FAM222B: variants seen among roughly 807,000 people sequenced by gnomAD.
FAM222B encodes protein FAM222B.
Under a neutral mutation model 38.0 loss-of-function variants are expected in FAM222B, and 12 were observed. The ratio of observed to expected loss-of-function variants is 0.32; its 90% CI spans 0.20 to 0.51. The LOEUF (loss-of-function observed/expected upper bound fraction) is 0.51, where lower values mean the gene tolerates loss of function less well. FAM222B is among the 20% of genes least tolerant of loss of function. The pLI, the probability that FAM222B is intolerant of heterozygous loss-of-function variation, is 0.97. For missense variants in FAM222B, 716 were observed against 754.2 expected, an observed-to-expected ratio of 0.95 and a Z score of 0.59; for synonymous variants, 329 against 317.2, an observed-to-expected ratio of 1.04 and a Z score of -0.40.
chr17:28,791,339 G>T (rs905434055), intron 1 of FAM222B, among the ~76,000 whole-genome samples: 1 of 152,074 alleles, frequency 6.6e-6, no homozygotes, highest in African/African-American at 2.4e-5. Context: ...CTCTAAATTG[G>T]TGAGTGTGCC....
chr17:28,780,224 C>T (rs2036107790), intron 1 of FAM222B, among the ~76,000 whole-genome samples: 1 of 151,904 alleles, frequency 6.6e-6, no homozygotes, highest in Non-Finnish European at 1.5e-5. Context: ...TCCGCCTCAG[C>T]CCACTCCAGC....
intron 1 of FAM222B, among the ~76,000 whole-genome samples, chr17:28,803,306 G>T (rs552009419): frequency 6.6e-6 from 1 of 151,856 alleles, no homozygotes; most frequent in South Asian, 2.1e-4. Context: ...CCGTACCCAG[G>T]TTCTTCTTTT....
At chr17:28,773,545 T>C (rs976988601) in intron 1 of FAM222B, among the ~76,000 whole-genome samples, 21 of 135,306 alleles carry the variant, frequency 1.6e-4, no homozygotes, top group Non-Finnish European at 3.0e-4. Context: ...ACGCCTGTAA[T>C]CCAAGCACTT....
intron 1 of FAM222B, among the ~76,000 whole-genome samples, chr17:28,842,361 C>T (rs2039072228): frequency 6.6e-6 from 1 of 152,100 alleles, no homozygotes; most frequent in Non-Finnish European, 1.5e-5. Flanking sequence ...GAGCTTTCAT[C>T]CTCCACCACC....
intron 2 of FAM222B, among the ~76,000 whole-genome samples, chr17:28,766,333 A>C (rs886632644): frequency 2.0e-5 from 3 of 152,162 alleles, no homozygotes; most frequent in African/African-American, 7.2e-5. Flanking sequence ...GGGCACCTGT[A>C]ATCCCAGCTA....
intron 1 of FAM222B, among the ~76,000 whole-genome samples, chr17:28,795,384 A>C (rs894032421): frequency 6.6e-6 from 1 of 152,116 alleles, no homozygotes; most frequent in Non-Finnish European, 1.5e-5. Flanking sequence ...ACCTCAAGTG[A>C]TCCTCCTGCT....
chr17:28,757,524 G>C lies in FAM222B; in HGVS notation c.*746C>G, dbSNP rs1229139331. 2 of 152,128 alleles carry C rather than the reference G, an allele frequency of 1.3e-5. No homozygotes were observed. Among genetic ancestry groups the C allele is most frequent in the African/African-American group, 2.4e-5 (1 of 41,400 alleles). The allele number at this position is 152,128 out of a possible 1,614,324, so 9.4% of individuals were successfully genotyped here. On this transcript the variant is annotated 3_prime_UTR_variant, in exon 3 of 3. Transcript: ENST00000581407. ...TGAGTTAGGGGACAGGCAACAGTGAGAAAGGGATCTTGGGTATGCTCAAAG... is the reference window on the plus strand; with the variant it reads ...TGAGTTAGGGGACAGGCAACAGTGACAAAGGGATCTTGGGTATGCTCAAAG...
chr17:28,814,954 A>G (rs2037957505), intron 1 of FAM222B, among the ~76,000 whole-genome samples: 1 of 150,230 alleles, frequency 6.7e-6, no homozygotes, highest in South Asian at 2.1e-4. Flanking sequence ...TTGTATTTTT[A>G]GTAGAAACGG....
At chr17:28,778,509 CTTT>C (rs1275396963) in intron 1 of FAM222B, among the ~76,000 whole-genome samples, 2 of 135,068 alleles carry the variant, frequency 1.5e-5, no homozygotes, top group Non-Finnish European at 1.6e-5. Context: ...CCCACCCCCG[CTTT>C]TTTTTTTTTG....
chr17:28,830,844 TA>T (rs1407772525), intron 1 of FAM222B, among the ~76,000 whole-genome samples: 1 of 151,102 alleles, frequency 6.6e-6, no homozygotes, highest in East Asian at 1.9e-4. Context: ...TAAAATAAAA[TA>T]AAGTTAAAAT....
chr17:28,787,470 C>G (rs888400734), intron 1 of FAM222B, among the ~76,000 whole-genome samples: 2 of 152,146 alleles, frequency 1.3e-5, no homozygotes, highest in African/African-American at 4.8e-5. Context: ...CACTGAGACT[C>G]ACTATAACTT....
intron 1 of FAM222B, among the ~76,000 whole-genome samples, chr17:28,814,565 G>A (rs1170697109): frequency 1.3e-5 from 2 of 152,132 alleles, no homozygotes; most frequent in East Asian, 3.9e-4. Flanking sequence ...CGCCTCCTAG[G>A]TTCAAGCAGT....
intron 1 of FAM222B, 178 bp from the exon 2 acceptor site, chr17:28,766,885 A>G (rs2035356349): frequency 1.9e-6 from 1 of 538,396 alleles, no homozygotes; most frequent in African/African-American, 1.9e-5. Flanking sequence ...TTGCTGTCAA[A>G]TATCACTATG....
chr17:28,782,792 C>G (rs1466305484), intron 1 of FAM222B, among the ~76,000 whole-genome samples: 1 of 151,940 alleles, frequency 6.6e-6, no homozygotes, highest in Non-Finnish European at 1.5e-5. Flanking sequence ...CACTTGAGCC[C>G]AGGAGTTTGT....
intron 1 of FAM222B, among the ~76,000 whole-genome samples, chr17:28,829,372 T>C (rs766612806): frequency 3.3e-5 from 5 of 150,974 alleles, no homozygotes; most frequent in Admixed American, 1.3e-4. Flanking sequence ...GGTTTCTCCA[T>C]GTTGCTCAGG....
chr17:28,757,548 A>C lies in FAM222B; in HGVS notation c.*722T>G, dbSNP rs1436230022. ...AGAAAGGGATCTTGGGTATGCTCAA[A>C]GGTCACTGTATTTTTCTAGGTTTGG... is the stretch of plus-strand genomic sequence containing the variant. On this transcript the variant is annotated 3_prime_UTR_variant, in exon 3 of 3. Transcript: ENST00000581407. The C allele has an allele frequency of 3.3e-5, 5 of 152,102 alleles. No individual in the cohort carries two copies. 9.4% of individuals were successfully genotyped at this position (152,102 alleles called of 1,614,324 possible). A position where few individuals can be genotyped will look rare whatever the true frequency, so the allele number is the denominator to read the frequency against.
rs10618524 is a variant in FAM222B, at chr17:28,762,626, C to CA, written c.83-2751dup. 9.7e-3 allele frequency among the ~76,000 whole-genome samples: 465 copies of CA among 48,110 alleles called. 8 individuals are homozygous for CA. Among genetic ancestry groups the CA allele is most frequent in the African/African-American group, 0.023 (280 of 12,084 alleles). 31.6% of individuals were successfully genotyped at this position (48,110 alleles called of 152,430 possible). ...TGGGTGACAGAGCGAGACTCCATCT[C>CA]AAAAAAAAAAAAAAAAAAAAAAGTT... On this transcript the variant is annotated intron_variant, in intron 2 of 2. Transcript: ENST00000581407.
intron 1 of FAM222B, among the ~76,000 whole-genome samples, chr17:28,818,708 T>C (rs1373603491): frequency 6.6e-6 from 1 of 152,206 alleles, no homozygotes; most frequent in Non-Finnish European, 1.5e-5. Flanking sequence ...CCATCATTTA[T>C]GGTTTAGGAT....
chr17:28,785,703 T>A (rs1392527908), intron 1 of FAM222B, among the ~76,000 whole-genome samples: 4 of 144,394 alleles, frequency 2.8e-5, no homozygotes, highest in Admixed American at 1.4e-4. Context: ...GCCCGGCTAT[T>A]TTTTTTTTTT....
Sources: gnomAD v4.1 joint callset for allele counts (sites outside exome capture counted in the v4.1 genomes callset) on GRCh38, gnomAD v4.1.1 for gene constraint, MANE v1.5 for transcripts, NCBI Gene and HGNC (gene_info 2026-07-23, HGNC 2026-07-21) for gene names.